The following DENND5A variants were observed in gnomAD, a reference collection of about 807,000 sequenced individuals.
The protein encoded by DENND5A is DENN domain containing 5A, also known as DENN domain-containing protein 5A.
DENND5A carries 64 observed loss-of-function variants against 140.3 expected under a neutral mutation model. The observed-to-expected ratio is 0.46, with a 90% CI of 0.37 to 0.56. DENND5A has a LOEUF of 0.56. Ranked by LOEUF, DENND5A falls within the 20% of genes least tolerant of loss-of-function variation. DENND5A has a pLI of 0.00. For synonymous variants in DENND5A, 605 were observed against 607.7 expected, an observed-to-expected ratio of 1.00 and a Z score of 0.07; for missense variants, 1,292 against 1,593.8, an observed-to-expected ratio of 0.81 and a Z score of 3.22.
At chr11:9,246,611 CAAAAAAAAAA>C (rs369946476) in intron 1 of DENND5A, among the ~76,000 whole-genome samples, 3 of 63,138 alleles carry the variant, frequency 4.8e-5, no homozygotes, top group Non-Finnish European at 9.1e-5. Context: ...AACTAAGTCT[CAAAAAAAAAA>C]AAAAAAAAAA....
chr11:9,263,603 G>T (rs1269115343), intron 1 of DENND5A, among the ~76,000 whole-genome samples: 1 of 147,490 alleles, frequency 6.8e-6, no homozygotes, highest in East Asian at 2.1e-4. Flanking sequence ...AGCACTTTGG[G>T]AGGCCGAGGC....
At chr11:9,215,829 C>T (rs966537387) in intron 1 of DENND5A, among the ~76,000 whole-genome samples, 23 of 152,122 alleles carry the variant, frequency 1.5e-4, no homozygotes, top group African/African-American at 4.1e-4. Flanking sequence ...GGATTACAAG[C>T]GTGAGCCACC....
intron 1 of DENND5A, among the ~76,000 whole-genome samples, chr11:9,224,022 T>C (rs1303846244): frequency 6.6e-6 from 1 of 151,690 alleles, no homozygotes; most frequent in Non-Finnish European, 1.5e-5. Flanking sequence ...CAAAACCCTG[T>C]CTCTACTAAA....
At chr11:9,159,908 C>T (rs1847922705) in intron 12 of DENND5A, among the ~76,000 whole-genome samples, 1 of 152,178 alleles carries the variant, frequency 6.6e-6, no homozygotes, top group Non-Finnish European at 1.5e-5. Context: ...GCTATATACG[C>T]ATGGGCATAT....
At chr11:9,250,943 C>T (rs542244700) in intron 1 of DENND5A, among the ~76,000 whole-genome samples, 40 of 151,908 alleles carry the variant, frequency 2.6e-4, no homozygotes, top group South Asian at 4.2e-4. Flanking sequence ...AGGCCAGCCC[C>T]GACCAACATG....
In DENND5A at chr11:9,179,661, G is replaced by A. The variant is rs140665358; in HGVS notation, c.1456-588C>T. 3.2e-4 allele frequency among the ~76,000 whole-genome samples: 48 copies of A among 152,016 alleles called. No individual in the cohort carries two copies. The East Asian group carries it at 5.0e-3, about 16-fold the overall frequency. ...ATTACAGGCATGCGCCACCACGCCC[G>A]GCTAATTTTGTATTTTCAGTAGAGA... On this transcript the variant is annotated intron_variant, in intron 6 of 22. Coordinates refer to ENST00000328194, the MANE Select transcript of DENND5A (RefSeq NM_015213.4).
rs1847283078 is a variant in DENND5A, at chr11:9,142,628, C to T, written c.3511+94G>A. ...ATCTGAGAGTCACCTAATTTGGGTT[C>T]TGCCTCTCAGAGTGGTCAGCACCCA... is the stretch of plus-strand genomic sequence containing the variant. On this transcript the variant is annotated intron_variant, in intron 21 of 22. Coordinates refer to ENST00000328194, the MANE Select transcript of DENND5A (RefSeq NM_015213.4). 27 of 1,486,530 alleles carry T rather than the reference C, an allele frequency of 1.8e-5. No individual in the cohort carries two copies. The East Asian group carries it at 2.3e-4, about 13-fold the overall frequency. The allele number at this position is 1,486,530 out of a possible 1,614,324, so 92.1% of individuals were successfully genotyped here.
chr11:9,142,621 T>C (rs1365586507), intron 21 of DENND5A, 101 bp downstream of exon 21: 1 of 1,428,112 alleles, frequency 7.0e-7, no homozygotes, highest in Non-Finnish European at 9.5e-7. Flanking sequence ...GTCACCTAAT[T>C]TGGGTTCTGC....
intron 1 of DENND5A, 61 bp from the exon 2 acceptor site, chr11:9,207,693 A>C: frequency 2.5e-6 from 3 of 1,184,050 alleles, no homozygotes; most frequent in Non-Finnish European, 3.8e-6. Context: ...AACTTTTTTG[A>C]CCATTATTCC....
At chr11:9,247,157 G>A (rs924748158) in intron 1 of DENND5A, among the ~76,000 whole-genome samples, 1 of 151,912 alleles carries the variant, frequency 6.6e-6, no homozygotes, top group South Asian at 2.1e-4. Flanking sequence ...GTGAACCCGG[G>A]AGGCGGAGCT....
At chr11:9,253,142 C>A (rs921218040) in intron 1 of DENND5A, among the ~76,000 whole-genome samples, 1 of 152,260 alleles carries the variant, frequency 6.6e-6, no homozygotes, top group Admixed American at 6.5e-5. Context: ...CATGAGCTAC[C>A]ATACCTGGCC....
chr11:9,243,598 T>C (rs902602903), intron 1 of DENND5A, among the ~76,000 whole-genome samples: 17 of 152,058 alleles, frequency 1.1e-4, no homozygotes, highest in African/African-American at 3.9e-4. Flanking sequence ...AAATATATTT[T>C]ATTTCCCAGC....
At chr11:9,213,546 A>C (rs1005625536) in intron 1 of DENND5A, among the ~76,000 whole-genome samples, 3 of 151,648 alleles carry the variant, frequency 2.0e-5, no homozygotes. Flanking sequence ...GGTGGCTCAC[A>C]CCTGTAATCC....
chr11:9,233,293 G>A (rs1485234917), intron 1 of DENND5A, among the ~76,000 whole-genome samples: 2 of 151,950 alleles, frequency 1.3e-5, no homozygotes, highest in East Asian at 3.9e-4. Context: ...CAGCTACTCA[G>A]GAGGCTGAGG....
chr11:9,143,022 C>T, intron 20 of DENND5A, 177 bp from the exon 21 acceptor site: 1 of 705,082 alleles, frequency 1.4e-6, no homozygotes, highest in South Asian at 2.0e-5. Context: ...CAGTGAAGAG[C>T]TGCTGAATAA....
At chr11:9,241,480 C>T (rs1304133961) in intron 1 of DENND5A, among the ~76,000 whole-genome samples, 1 of 152,172 alleles carries the variant, frequency 6.6e-6, no homozygotes, top group African/African-American at 2.4e-5. Context: ...ACTCCCTCTC[C>T]CTTCCTCTCT....
chr11:9,260,545 T>A (rs1442648346), intron 1 of DENND5A, among the ~76,000 whole-genome samples: 1 of 151,520 alleles, frequency 6.6e-6, no homozygotes, highest in Non-Finnish European at 1.5e-5. Context: ...CTTACCTAAC[T>A]GACAAGTTCA....
chr11:9,221,943 G>A (rs1850329570), intron 1 of DENND5A, among the ~76,000 whole-genome samples: 1 of 151,704 alleles, frequency 6.6e-6, no homozygotes, highest in Non-Finnish European at 1.5e-5. Flanking sequence ...ATTTTTAGTA[G>A]AGATGAGGTT....
At chr11:9,173,975 C>A (rs973227688) in intron 8 of DENND5A, among the ~76,000 whole-genome samples, 2 of 151,456 alleles carry the variant, frequency 1.3e-5, no homozygotes, top group Non-Finnish European at 3.0e-5. Flanking sequence ...CAGTGGCGAG[C>A]GCCTGTAGTC....
Sources: allele counts gnomAD v4.1 joint callset (sites outside exome capture counted in the v4.1 genomes callset), GRCh38; gene constraint gnomAD v4.1.1; transcripts MANE v1.5; gene names NCBI Gene and HGNC (gene_info 2026-07-23, HGNC 2026-07-21).